Variants in FSTL5 observed in about 807,000 individuals in gnomAD.
FSTL5 encodes follistatin-related protein 5.
FSTL5 carries 62 observed loss-of-function variants against 89.1 expected under a neutral mutation model. That is an observed-to-expected ratio of 0.70 (90% CI 0.57 to 0.86). FSTL5 has a LOEUF of 0.86. FSTL5 is among the 40% of genes least tolerant of loss of function. The pLI, the probability that FSTL5 is intolerant of heterozygous loss-of-function variation, is 0.00. For missense variants in FSTL5, 1,057 were observed against 1,001.6 expected, an observed-to-expected ratio of 1.06 and a Z score of -0.75; for synonymous variants, 383 against 346.2, an observed-to-expected ratio of 1.11 and a Z score of -1.18.
At chr4:161,977,968 C>A (rs978607761) in intron 3 of FSTL5, among the ~76,000 whole-genome samples, 2 of 152,122 alleles carry the variant, frequency 1.3e-5, no homozygotes, top group African/African-American at 4.8e-5. Flanking sequence ...TTAACACTGT[C>A]ATAGTGATGC....
intron 3 of FSTL5, among the ~76,000 whole-genome samples, chr4:161,985,867 A>G (rs943739340): frequency 1.3e-5 from 2 of 152,154 alleles, no homozygotes; most frequent in African/African-American, 4.8e-5. Flanking sequence ...ATTTATTCAT[A>G]TGAAACAGGC....
At chr4:161,616,802 C>G (rs1013239020) in intron 7 of FSTL5, among the ~76,000 whole-genome samples, 2 of 149,676 alleles carry the variant, frequency 1.3e-5, no homozygotes, top group African/African-American at 5.1e-5. Flanking sequence ...ACCACCCTGA[C>G]ACATGTTTAC....
intron 4 of FSTL5, among the ~76,000 whole-genome samples, chr4:161,801,059 T>A (rs1229483921): frequency 6.6e-6 from 1 of 151,570 alleles, no homozygotes; most frequent in Non-Finnish European, 1.5e-5. Context: ...GAGGTTAGTA[T>A]TAGACGGTGA....
At chr4:161,697,784 T>C (rs1315516168) in intron 6 of FSTL5, among the ~76,000 whole-genome samples, 2 of 152,196 alleles carry the variant, frequency 1.3e-5, no homozygotes, top group East Asian at 3.9e-4. Flanking sequence ...CACTCATATG[T>C]GGAAGTCAAA....
chr4:162,123,561 T>C (rs1561031624), intron 1 of FSTL5, among the ~76,000 whole-genome samples: 1 of 152,154 alleles, frequency 6.6e-6, no homozygotes, highest in Non-Finnish European at 1.5e-5. Flanking sequence ...ACTATCCTTG[T>C]AGATGAACGT....
At chr4:161,415,380 T>C (rs1028123766) in intron 15 of FSTL5, among the ~76,000 whole-genome samples, 2 of 152,070 alleles carry the variant, frequency 1.3e-5, no homozygotes, top group Non-Finnish European at 2.9e-5. Context: ...CTCAGCTTCC[T>C]GAGTGGCTTG....
Position 161,943,486 on chromosome 4 carries a change from T to C in FSTL5, c.161-22834A>G, listed in dbSNP as rs541318681. ...ATTCTGATAAATTATTGACTCGTGT[T>C]TCAGAACTCCTATAAGTTTTTTATT... On this transcript the variant is annotated intron_variant, in intron 3 of 15. Coordinates refer to ENST00000306100, the MANE Select transcript of FSTL5 (RefSeq NM_020116.5). 2.7e-5 allele frequency among the ~76,000 whole-genome samples: 4 copies of C among 149,570 alleles called. 1 individual carries two copies. The South Asian group carries it at 8.5e-4, about 32-fold the overall frequency.
At chr4:161,992,284 T>G (rs527690425) in intron 3 of FSTL5, among the ~76,000 whole-genome samples, 5 of 152,150 alleles carry the variant, frequency 3.3e-5, no homozygotes, top group Admixed American at 3.3e-4. Flanking sequence ...GGAAACTACA[T>G]GGGATATTCT....
rs914379007 is a variant in FSTL5, at chr4:161,619,822, A to C, written c.895-32247T>G. ...TAGAACTAGAAATACCACTTGACCCAGCCATCCCATTACTGGGTATATACC... is the reference window on the plus strand; with the variant it reads ...TAGAACTAGAAATACCACTTGACCCCGCCATCCCATTACTGGGTATATACC... On this transcript the variant is annotated intron_variant, in intron 7 of 15. Coordinates refer to ENST00000306100, the MANE Select transcript of FSTL5 (RefSeq NM_020116.5). Among the ~76,000 whole-genome samples the C allele has an allele frequency of 3.3e-5, 5 of 152,246 alleles. No homozygotes were observed. The East Asian group carries it at 9.7e-4, about 30-fold the overall frequency.
At chr4:162,041,026 G>C (rs1288573334) in intron 2 of FSTL5, among the ~76,000 whole-genome samples, 2 of 151,880 alleles carry the variant, frequency 1.3e-5, no homozygotes, top group African/African-American at 4.8e-5. Flanking sequence ...CAGGTGGAGG[G>C]ATAGGCAGAG....
intron 15 of FSTL5, among the ~76,000 whole-genome samples, chr4:161,437,109 T>C (rs182027804): frequency 4.6e-5 from 7 of 152,136 alleles, no homozygotes; most frequent in Middle Eastern, 3.4e-3. Flanking sequence ...TTGGAGGCAT[T>C]GGAATAGGTT....
intron 7 of FSTL5, among the ~76,000 whole-genome samples, chr4:161,622,990 A>C (rs1735195977): frequency 6.6e-6 from 1 of 152,150 alleles, no homozygotes; most frequent in South Asian, 2.1e-4. Context: ...CTTGTATTAT[A>C]AAAATAATTA....
chr4:161,916,399 GA>G (rs1487838007), intron 4 of FSTL5, among the ~76,000 whole-genome samples: 1 of 152,176 alleles, frequency 6.6e-6, no homozygotes, highest in Non-Finnish European at 1.5e-5. Flanking sequence ...AGGGTGAAAG[GA>G]AATTGTACTT....
At chr4:161,968,005 T>C (rs936289736) in intron 3 of FSTL5, among the ~76,000 whole-genome samples, 35 of 152,048 alleles carry the variant, frequency 2.3e-4, no homozygotes, top group Non-Finnish European at 7.4e-5. Context: ...TAAATACTTG[T>C]GTATTTTCTT....
chr4:161,890,942 T>G (rs920964563), intron 4 of FSTL5, among the ~76,000 whole-genome samples: 1 of 152,108 alleles, frequency 6.6e-6, no homozygotes, highest in South Asian at 2.1e-4. Flanking sequence ...AGGCAACTAG[T>G]TTTAAATAAA....
At chr4:161,766,906 C>A (rs7690178) in intron 5 of FSTL5, among the ~76,000 whole-genome samples, 5 of 138,620 alleles carry the variant, frequency 3.6e-5, no homozygotes, top group African/African-American at 1.0e-4. Flanking sequence ...GATGATAGAT[C>A]GATTGATAGA....
intron 7 of FSTL5, among the ~76,000 whole-genome samples, chr4:161,604,142 A>C (rs188410518): frequency 1.3e-5 from 2 of 152,222 alleles, no homozygotes; most frequent in African/African-American, 4.8e-5. Context: ...TTCAATGTTC[A>C]TTTTGATAAT....
intron 7 of FSTL5, among the ~76,000 whole-genome samples, chr4:161,591,227 C>T (rs190556760): frequency 3.5e-4 from 54 of 152,212 alleles, no homozygotes; most frequent in Admixed American, 1.9e-3. Flanking sequence ...ACAAATTTTA[C>T]GAGTCTAATT....
At chr4:162,014,796 C>G (rs935367167) in intron 3 of FSTL5, among the ~76,000 whole-genome samples, 1 of 151,836 alleles carries the variant, frequency 6.6e-6, no homozygotes, top group African/African-American at 2.4e-5. Context: ...GCATTTAGAT[C>G]CAGAAAACTG....
Sources: allele counts gnomAD v4.1 joint callset (sites outside exome capture counted in the v4.1 genomes callset), GRCh38; gene constraint gnomAD v4.1.1; transcripts MANE v1.5; gene names NCBI Gene and HGNC (gene_info 2026-07-23, HGNC 2026-07-21).